The following RNF10 variants were observed in gnomAD, a reference collection of about 807,000 sequenced individuals.
RNF10 encodes ring finger protein 10, also known as E3 ubiquitin-protein ligase RNF10.
Under a neutral mutation model 91.4 loss-of-function variants are expected in RNF10, and 38 were observed. The ratio of observed to expected loss-of-function variants is 0.42; its 90% CI spans 0.32 to 0.54. The LOEUF is 0.54. RNF10 is among the 20% of genes least tolerant of loss of function. The probability of loss-of-function intolerance (pLI) is 0.16; values close to 1 mark genes in which losing one functional copy is unlikely to be tolerated. For synonymous variants in RNF10, 364 were observed against 366.3 expected (o/e 0.99, Z 0.07); for missense variants, 945 against 1,012.0 (o/e 0.93, Z 0.90).
intron 1 of RNF10, among the ~76,000 whole-genome samples, chr12:120,537,807 A>G (rs951198858): frequency 4.6e-5 from 7 of 152,108 alleles, no homozygotes; most frequent in Non-Finnish European, 1.0e-4. Flanking sequence ...AGCCAAATCC[A>G]TGCTTCTTCA....
At chr12:120,550,300 A>G (rs1340440028) in intron 2 of RNF10, among the ~76,000 whole-genome samples, 3 of 152,034 alleles carry the variant, frequency 2.0e-5, no homozygotes, top group African/African-American at 7.2e-5. Flanking sequence ...GAGGAGGTCA[A>G]GGACCTGGAG....
intron 14 of RNF10, chr12:120,574,517 A>T (rs1593123469): frequency 2.2e-6 from 1 of 456,122 alleles, no homozygotes; most frequent in Non-Finnish European, 4.4e-6. Flanking sequence ...TGAAGGAGCT[A>T]TTGGAAAAGC....
intron 2 of RNF10, among the ~76,000 whole-genome samples, chr12:120,550,228 C>T (rs1386522047): frequency 6.6e-6 from 1 of 152,092 alleles, no homozygotes; most frequent in Admixed American, 6.6e-5. Flanking sequence ...GACATTACAG[C>T]TGTAGAACGG....
At chr12:120,547,112 T>A (rs1404209305) in intron 2 of RNF10, among the ~76,000 whole-genome samples, 1 of 152,048 alleles carries the variant, frequency 6.6e-6, no homozygotes, top group Non-Finnish European at 1.5e-5. Context: ...ACTGATAGAG[T>A]AAATTACGTT....
intron 1 of RNF10, among the ~76,000 whole-genome samples, chr12:120,538,070 G>GT (rs552553063): frequency 2.8e-4 from 43 of 152,294 alleles, no homozygotes; most frequent in African/African-American, 9.6e-4. Context: ...GATTTCTGCA[G>GT]TATCTCATAA....
chr12:120,564,965 C>G (rs922290375), intron 10 of RNF10, 107 bp from the exon 11 acceptor site: 3 of 734,474 alleles, frequency 4.1e-6, no homozygotes, highest in Non-Finnish European at 7.3e-6. Context: ...GTTTCCAGCC[C>G]CAGTGCTGGC....
At chr12:120,557,714 C>A (rs754371284) in intron 6 of RNF10, 32 bp downstream of exon 6, 4 of 1,610,794 alleles carry the variant, frequency 2.5e-6, no homozygotes, top group East Asian at 2.2e-5. Context: ...GACAAATAAT[C>A]CTGGGTACAT....
chr12:120,534,853 C>T lies in RNF10; in HGVS notation c.42C>T (p.Asp14=). Residue 14 remains aspartate (D), a synonymous_variant, in exon 1 of 17, where the codon GAC becomes GAT. Coordinates refer to ENST00000325954, the MANE Select transcript of RNF10 (RefSeq NM_014868.5). ...SSPNAAATAS[D]MDKNSGSNSS... ...CCAACGCCGCCGCCACCGCCTCCGA[C>T]ATGGACAAGAACAGCGGCTCCAACA... 6.2e-7 allele frequency: 1 copy of T among 1,607,198 alleles called. No homozygotes were observed.
chr12:120,553,710 G>A (rs1873535122), intron 3 of RNF10, among the ~76,000 whole-genome samples: 1 of 151,864 alleles, frequency 6.6e-6, no homozygotes, highest in African/African-American at 2.4e-5. Context: ...ACCAGGAAGA[G>A]AAAATTTCTT....
At chr12:120,576,029 A>G in intron 16 of RNF10, 79 bp downstream of exon 16, 1 of 1,418,908 alleles carries the variant, frequency 7.0e-7, no homozygotes, top group Non-Finnish European at 9.9e-7. Context: ...ATTCAGTGGC[A>G]GACATCACTA....
rs958256562 is a variant in RNF10, at chr12:120,556,591, A to G, written c.646-691A>G. 4.0e-5 allele frequency among the ~76,000 whole-genome samples: 6 copies of G among 151,334 alleles called. No individual in the cohort carries two copies. The East Asian group carries it at 1.2e-3, about 29-fold the overall frequency. Reference sequence around the variant, plus strand: ...TCTCACTACTGTGAAAATGTATAAAATCATCTGAGAATGACATAGCATAAA... The same window carrying G: ...TCTCACTACTGTGAAAATGTATAAAGTCATCTGAGAATGACATAGCATAAA... On this transcript the variant is annotated intron_variant, in intron 4 of 16. Coordinates refer to ENST00000325954, the MANE Select transcript of RNF10 (RefSeq NM_014868.5).
intron 13 of RNF10, among the ~76,000 whole-genome samples, chr12:120,569,463 C>T (rs1021528885): frequency 2.0e-5 from 3 of 151,756 alleles, no homozygotes; most frequent in African/African-American, 7.3e-5. Context: ...TACTGTGACG[C>T]TCTTCTGCTT....
At chr12:120,551,184 C>T (rs1463271506) in intron 2 of RNF10, among the ~76,000 whole-genome samples, 5 of 150,968 alleles carry the variant, frequency 3.3e-5, no homozygotes, top group Non-Finnish European at 1.5e-5. Flanking sequence ...CATGGGATCC[C>T]TGTGTTGTCT....
At chr12:120,561,763 A>G (rs1039991529) in intron 7 of RNF10, among the ~76,000 whole-genome samples, 2 of 152,080 alleles carry the variant, frequency 1.3e-5, no homozygotes, top group African/African-American at 4.8e-5. Flanking sequence ...AGTCCTGTGT[A>G]TTTAACTTTT....
intron 13 of RNF10, 124 bp from the exon 14 acceptor site, chr12:120,571,067 C>CTTTT: frequency 1.9e-6 from 1 of 529,804 alleles, no homozygotes; most frequent in South Asian, 2.3e-5. Flanking sequence ...TCAATGTTTG[C>CTTTT]TTTTTTTTTT....
chr12:120,536,059 CAG>C (rs1372911584), intron 1 of RNF10, among the ~76,000 whole-genome samples: 2 of 152,172 alleles, frequency 1.3e-5, no homozygotes, highest in East Asian at 3.9e-4. Flanking sequence ...GATGTTGTGG[CAG>C]AGAGGGAAAT....
At chr12:120,553,715 T>A (rs1408654347) in intron 3 of RNF10, among the ~76,000 whole-genome samples, 1 of 151,812 alleles carries the variant, frequency 6.6e-6, no homozygotes. Context: ...GAAGAGAAAA[T>A]TTCTTAAGAG....
In RNF10 at chr12:120,557,613, G is replaced by A. The variant is rs1874236179; in HGVS notation, c.898G>A (p.Glu300Lys). Residue 300 changes from glutamate to lysine, a missense_variant, in exon 6 of 17, where the codon GAG becomes AAG. Glu to Lys is a moderately conservative substitution (Grantham distance 56, BLOSUM62 1). Transcript: ENST00000325954. ...CATTACGATGCAGCTGATGAAGAGG[G>A]AGAAAGGGGTGTTGGTGGCTTTGCC... The part of the protein sequence containing the change: ...DTITMQLMKR[E>K]KGVLVALPKS... 6.2e-7 allele frequency: 1 copy of A among 1,614,206 alleles called. No homozygotes were observed. The highest frequency in any genetic ancestry group is 8.5e-7 in the Non-Finnish European group (1 of 1,180,032).
At chr12:120,552,973 G>A (rs1028948832) in intron 3 of RNF10, among the ~76,000 whole-genome samples, 2 of 149,360 alleles carry the variant, frequency 1.3e-5, no homozygotes, top group Admixed American at 6.7e-5. Flanking sequence ...TCTTGTTTCG[G>A]CCTTTGACCT....
Sources: allele counts gnomAD v4.1 joint callset (sites outside exome capture counted in the v4.1 genomes callset), GRCh38; gene constraint gnomAD v4.1.1; transcripts MANE v1.5; gene names NCBI Gene and HGNC (gene_info 2026-07-23, HGNC 2026-07-21).